STAG1: variants seen among roughly 807,000 people sequenced by gnomAD.
STAG1 encodes the protein cohesin subunit SA-1.
In STAG1, 26 loss-of-function variants were observed where a neutral mutation model predicts 170.9. That is an observed-to-expected ratio of 0.15 (90% CI 0.11 to 0.21). STAG1 has a LOEUF of 0.21. Ranked by LOEUF, STAG1 falls within the 10% of genes least tolerant of loss-of-function variation. STAG1 has a pLI of 1.00. For missense variants in STAG1, 964 were observed against 1,509.5 expected (o/e 0.64, Z 5.99); for synonymous variants, 514 against 497.7 (o/e 1.03, Z -0.44).
At chr3:136,504,150 CTCTA>C (rs1394282100) in intron 7 of STAG1, among the ~76,000 whole-genome samples, 1 of 152,162 alleles carries the variant, frequency 6.6e-6, no homozygotes, top group Non-Finnish European at 1.5e-5. Flanking sequence ...TATTCGGAAA[CTCTA>C]TCTACATTTT....
chr3:136,634,613 G>GAA (rs71157395), intron 1 of STAG1, among the ~76,000 whole-genome samples: 56 of 112,874 alleles, frequency 5.0e-4, no homozygotes, highest in East Asian at 1.6e-3. Flanking sequence ...AGCTTTTAGG[G>GAA]AAAAAAAAAA....
At chr3:136,622,739 C>A (rs1025860955) in intron 3 of STAG1, among the ~76,000 whole-genome samples, 1 of 152,144 alleles carries the variant, frequency 6.6e-6, no homozygotes, top group Non-Finnish European at 1.5e-5. Context: ...GTAGGATTAT[C>A]TAGAGCTCTT....
intron 1 of STAG1, among the ~76,000 whole-genome samples, chr3:136,661,525 T>C (rs1041633951): frequency 6.6e-6 from 1 of 152,134 alleles, no homozygotes; most frequent in Non-Finnish European, 1.5e-5. Flanking sequence ...AAAATATGTA[T>C]ACACATACGA....
intron 4 of STAG1, among the ~76,000 whole-genome samples, chr3:136,597,121 A>G (rs1242437969): frequency 6.6e-6 from 1 of 152,168 alleles, no homozygotes; most frequent in Non-Finnish European, 1.5e-5. Flanking sequence ...CAGTTTATCA[A>G]TTATCCTGTT....
intron 10 of STAG1, among the ~76,000 whole-genome samples, chr3:136,477,057 G>C (rs534001510): frequency 6.6e-6 from 1 of 152,236 alleles, no homozygotes; most frequent in East Asian, 1.9e-4. Flanking sequence ...ATACCAGGTT[G>C]TCAAACTTGG....
At chr3:136,392,776 A>G (rs1233141230) in intron 22 of STAG1, among the ~76,000 whole-genome samples, 1 of 151,438 alleles carries the variant, frequency 6.6e-6, no homozygotes, top group African/African-American at 2.4e-5. Context: ...AAAAAAAAAA[A>G]AAAAAAAAAG....
chr3:136,371,541 G>A (rs536468749), intron 23 of STAG1, among the ~76,000 whole-genome samples: 1 of 152,262 alleles, frequency 6.6e-6, no homozygotes, highest in African/African-American at 2.4e-5. Context: ...TATAAGGTGT[G>A]AGGAAGGGAT....
At chr3:136,369,312 A>C in intron 23 of STAG1, 30 bp from the exon 24 acceptor site, 1 of 1,529,496 alleles carries the variant, frequency 6.5e-7, no homozygotes, top group Non-Finnish European at 8.8e-7. Context: ...TATCAGCAAA[A>C]TATTACACAA....
chr3:136,730,921 A>T (rs1043127173), intron 1 of STAG1, among the ~76,000 whole-genome samples: 2 of 152,218 alleles, frequency 1.3e-5, no homozygotes, highest in Non-Finnish European at 2.9e-5. Flanking sequence ...AAAAACACAG[A>T]TTGCTCATCC....
intron 32 of STAG1, among the ~76,000 whole-genome samples, chr3:136,339,509 G>A (rs1003449491): frequency 3.9e-5 from 6 of 152,126 alleles, no homozygotes; most frequent in Non-Finnish European, 5.9e-5. Flanking sequence ...GCAACAGAGC[G>A]AGACTCCATC....
chr3:136,599,387 C>T (rs1938569993), intron 4 of STAG1, among the ~76,000 whole-genome samples: 1 of 151,868 alleles, frequency 6.6e-6, no homozygotes, highest in South Asian at 2.1e-4. Context: ...AAAAATTAGC[C>T]GAGCATGGTG....
rs67826395 is a variant in STAG1, at chr3:136,657,189, C to CTT, written c.-83-26210_-83-26209dup. ...TCCTCTCCTACACGTTTCTTTCTTT[C>CTT]TTTTTTTTTTTTTTTTTTTTTTTTT... On this transcript the variant is annotated intron_variant, in intron 1 of 33. Transcript: ENST00000383202. 1.8e-3 allele frequency among the ~76,000 whole-genome samples: 165 copies of CTT among 92,234 alleles called. 4 individuals carry two copies. Among genetic ancestry groups the CTT allele is most frequent in the East Asian group, 3.4e-3 (9 of 2,642 alleles). 60.5% of individuals were successfully genotyped at this position (92,234 alleles called of 152,430 possible). A position where few individuals can be genotyped will look rare whatever the true frequency, so the allele number is the denominator to read the frequency against.
intron 15 of STAG1, among the ~76,000 whole-genome samples, chr3:136,442,667 A>C (rs991048930): frequency 1.9e-5 from 2 of 106,742 alleles, no homozygotes; most frequent in African/African-American, 2.8e-5. Context: ...CATATAAATC[A>C]AGAAAAAAAA....
At chr3:136,547,772 C>T (rs1387226306) in intron 5 of STAG1, among the ~76,000 whole-genome samples, 1 of 152,152 alleles carries the variant, frequency 6.6e-6, no homozygotes, top group East Asian at 1.9e-4. Context: ...GTGTTATTCC[C>T]ATGAATTCAT....
chr3:136,601,804 T>G (rs780498527), intron 4 of STAG1, among the ~76,000 whole-genome samples: 2 of 151,856 alleles, frequency 1.3e-5, no homozygotes, highest in Admixed American at 6.6e-5. Flanking sequence ...CCACTGTACT[T>G]CAGCCTGGCT....
At chr3:136,505,758 C>T (rs376884836) in intron 7 of STAG1, among the ~76,000 whole-genome samples, 3 of 152,108 alleles carry the variant, frequency 2.0e-5, no homozygotes, top group South Asian at 4.1e-4. Flanking sequence ...GAAAAAACCA[C>T]GTCAGTTAAT....
In STAG1 at chr3:136,576,003, T is replaced by C. The variant is rs72971447; in HGVS notation, c.298-7142A>G. 8.0e-3 allele frequency among the ~76,000 whole-genome samples: 1,217 copies of C among 152,328 alleles called. 13 individuals are homozygous for C. Among genetic ancestry groups the C allele is most frequent in the African/African-American group, 0.028 (1,161 of 41,568 alleles). ...CTGCCCCTCTGCCTACTAATATTTA[T>C]ATGCTGCCTTCCTCCCACTTAGAGA... On this transcript the variant is annotated intron_variant, in intron 4 of 33. Coordinates refer to ENST00000383202, the MANE Select transcript of STAG1 (RefSeq NM_005862.3).
intron 1 of STAG1, among the ~76,000 whole-genome samples, chr3:136,699,314 T>C (rs936982282): frequency 2.0e-5 from 3 of 152,240 alleles, no homozygotes; most frequent in African/African-American, 7.2e-5. Flanking sequence ...TTTATTCAAA[T>C]ACTTAAGAAT....
chr3:136,701,243 A>C (rs957909878), intron 1 of STAG1, among the ~76,000 whole-genome samples: 3 of 152,074 alleles, frequency 2.0e-5, no homozygotes, highest in African/African-American at 7.2e-5. Flanking sequence ...ATCTTCAGAA[A>C]ACTCTGAATA....
Sources: allele counts gnomAD v4.1 joint callset (sites outside exome capture counted in the v4.1 genomes callset), GRCh38; gene constraint gnomAD v4.1.1; transcripts MANE v1.5; gene names NCBI Gene and HGNC (gene_info 2026-07-23, HGNC 2026-07-21).